The following TNFRSF11A variants were observed in gnomAD, a reference collection of about 807,000 sequenced individuals.
TNFRSF11A encodes the protein tumor necrosis factor receptor superfamily member 11A.
In TNFRSF11A, 32 loss-of-function variants were observed where a neutral mutation model predicts 55.7. The observed-to-expected ratio is 0.57, with a 90% CI of 0.43 to 0.77. The LOEUF (loss-of-function observed/expected upper bound fraction) is 0.77, where lower values mean the gene tolerates loss of function less well. Among genes scored for constraint, TNFRSF11A ranks in the 30% least tolerant of loss-of-function variants. The pLI is 0.00. For missense variants in TNFRSF11A, 753 were observed against 809.8 expected, an observed-to-expected ratio of 0.93 and a Z score of 0.85; for synonymous variants, 311 against 331.0, an observed-to-expected ratio of 0.94 and a Z score of 0.65.
chr18:62,384,898 A>G lies in TNFRSF11A; in HGVS notation c.1715A>G (p.Glu572Gly), dbSNP rs1600433596. Residue 572 changes from glutamate (E) to glycine (G), a missense_variant, in exon 10 of 10, where the codon GAG (glutamate) becomes GGG (glycine). Physicochemically the swap from Glu to Gly is moderately conservative, Grantham distance 98 (BLOSUM62 -2). This residue lies in a region of TNFRSF11A where 567 missense variants were observed against 596.7 expected (regional missense o/e 0.95). Transcript: ENST00000586569. Reference protein sequence around the residue: ...AAEPMGRPVQEETLARRDSFA... With the variant: ...AAEPMGRPVQGETLARRDSFA... ...GAGCCCATGGGCCGCCCGGTGCAGG[A>G]GGAGACCCTGGCGCGCCGAGACTCC... The G allele has an allele frequency of 3.8e-6, 6 of 1,582,862 alleles. No individual in the cohort carries two copies. The highest frequency in any genetic ancestry group is 5.2e-6 in the Non-Finnish European group (6 of 1,164,986).
chr18:62,345,768 A>T (rs962053643), intron 1 of TNFRSF11A, among the ~76,000 whole-genome samples: 2 of 152,238 alleles, frequency 1.3e-5, no homozygotes, highest in African/African-American at 4.8e-5. Context: ...CAAGAGGCAC[A>T]TTCAGGTGAA....
intron 1 of TNFRSF11A, chr18:62,336,254 A>G (rs1036833004): frequency 6.6e-6 from 1 of 152,228 alleles, no homozygotes; most frequent in Admixed American, 6.5e-5. Context: ...TTAGGAATGT[A>G]GTCTCAGGCT....
chr18:62,348,219 C>G lies in TNFRSF11A; in HGVS notation c.127C>G (p.Leu43Val). 6.2e-7 allele frequency: 1 copy of G among 1,614,136 alleles called. No homozygotes were observed. Among genetic ancestry groups the G allele is most frequent in the Non-Finnish European group, 8.5e-7 (1 of 1,180,032 alleles). Residue 43 changes from leucine to valine, a missense_variant, in exon 2 of 10, where the codon CTG (leucine) becomes GTG (valine). Around this residue, in one of 3 missense-constraint regions of TNFRSF11A, gnomAD observed 156 missense variants for 155.1 expected, o/e 1.01. Coordinates refer to ENST00000586569, the MANE Select transcript of TNFRSF11A (RefSeq NM_003839.4). ...TACCAGTGAGAAGCATTATGAGCAT[C>G]TGGGACGGTGCTGTAACAAATGTGA... ...PCTSEKHYEH[L>V]GRCCNKCEPG...
At position 62,390,611 on chromosome 18, in the gene TNFRSF11A, T is replaced by C. The variant is rs1239847534; in HGVS notation, c.*5577T>C. On this transcript the variant is annotated 3_prime_UTR_variant, in exon 10 of 10. Coordinates refer to ENST00000586569, the MANE Select transcript of TNFRSF11A (RefSeq NM_003839.4). ...CAGGGGTAGCCCAGGAAACAAAGGC[T>C]GTATAGACTTTAAGTCGTGAGAAAA... 6.6e-6 allele frequency: 1 copy of C among 152,220 alleles called. No individual in the cohort carries two copies. Among genetic ancestry groups the C allele is most frequent in the Non-Finnish European group, 1.5e-5 (1 of 68,042 alleles). The allele number at this position is 152,220 out of a possible 1,614,324, so 9.4% of individuals were successfully genotyped here.
At chr18:62,376,579 T>G (rs1400387679) in intron 9 of TNFRSF11A, among the ~76,000 whole-genome samples, 2 of 152,126 alleles carry the variant, frequency 1.3e-5, no homozygotes, top group Non-Finnish European at 2.9e-5. Context: ...GAGTGGTACA[T>G]TTGCTGCACT....
At chr18:62,352,379 C>G (rs2145303035) in intron 3 of TNFRSF11A, among the ~76,000 whole-genome samples, 1 of 152,284 alleles carries the variant, frequency 6.6e-6, no homozygotes, top group East Asian at 1.9e-4. Context: ...TTTCTTTTAA[C>G]ACCATAATTT....
At chr18:62,354,621 G>T in intron 4 of TNFRSF11A, 87 bp downstream of exon 4, 1 of 1,580,382 alleles carries the variant, frequency 6.3e-7, no homozygotes, top group Non-Finnish European at 8.6e-7. Flanking sequence ...CAGCAAGAAA[G>T]CTCCAGGGTG....
In TNFRSF11A at chr18:62,325,449, C is replaced by T. The variant is rs1201191790; in HGVS notation, c.75+22C>T. 1.5e-5 allele frequency: 18 copies of T among 1,239,528 alleles called. No individual in the cohort carries two copies. The highest frequency in any genetic ancestry group is 4.4e-5 in the East Asian group (1 of 22,628). 76.8% of individuals were successfully genotyped at this position (1,239,528 alleles called of 1,614,324 possible). On this transcript the variant is annotated intron_variant, in intron 1 of 9. Transcript: ENST00000586569. The surrounding 1 kb of genome is among the most constrained non-coding windows in gnomAD (Gnocchi z 4.7). ...GCAGGTAAGGAGCGCCCGCGCCTGC[C>T]GGGCCGCGCGGCCCGACGCCTCCTC...
At chr18:62,351,002 C>CTTTTTTTTTTTTTT (rs71160826) in intron 3 of TNFRSF11A, among the ~76,000 whole-genome samples, 11 of 122,676 alleles carry the variant, frequency 9.0e-5, no homozygotes, top group Non-Finnish European at 1.5e-4. Context: ...TTTTTTCTTT[C>CTTTTTTTTTTTTTT]TTTTTTTTTT....
Position 62,366,854 on chromosome 18 carries a change from C to G in TNFRSF11A, c.783+94C>G, listed in dbSNP as rs545851591. The stretch of plus-strand genomic sequence containing the variant: ...TCACATATTGAGCACCCCCCCCCAC[C>G]CCCACTTTTTTTGAGACGGAGTCTC... On this transcript the variant is annotated intron_variant, in intron 8 of 9. Transcript: ENST00000586569. 7.9e-5 allele frequency: 104 copies of G among 1,311,324 alleles called. No homozygotes were observed. The African/African-American group carries it at 1.3e-3, about 16-fold the overall frequency. 81.2% of individuals were successfully genotyped at this position (1,311,324 alleles called of 1,614,324 possible).
chr18:62,381,543 A>G (rs1010778371), intron 9 of TNFRSF11A, among the ~76,000 whole-genome samples: 1 of 152,256 alleles, frequency 6.6e-6, no homozygotes, highest in Non-Finnish European at 1.5e-5. Context: ...TCCTCTGTGC[A>G]GTTTTACGTG....
Position 62,385,576 on chromosome 18 carries a change from A to G in TNFRSF11A, c.*542A>G, listed in dbSNP as rs926058316. Reference sequence around the variant, plus strand: ...GGTGCAGCCTCTAACTCCTGGGCTCAAGCAATCCAAGTGATCCTCCCACCT... The same window carrying G: ...GGTGCAGCCTCTAACTCCTGGGCTCGAGCAATCCAAGTGATCCTCCCACCT... On this transcript the variant is annotated 3_prime_UTR_variant, in exon 10 of 10. Transcript: ENST00000586569. 6.6e-6 allele frequency: 1 copy of G among 151,682 alleles called. No homozygotes were observed. The highest frequency in any genetic ancestry group is 1.5e-5 in the Non-Finnish European group (1 of 68,038). The allele number at this position is 151,682 out of a possible 1,614,324, so 9.4% of individuals were successfully genotyped here. A position where few individuals can be genotyped will look rare whatever the true frequency, so the allele number is the denominator to read the frequency against.
At position 62,386,944 on chromosome 18, in the gene TNFRSF11A, G is replaced by A. The variant is rs1433275126; in HGVS notation, c.*1910G>A. On this transcript the variant is annotated 3_prime_UTR_variant, in exon 10 of 10. Transcript: ENST00000586569. ...AATGGAGGAAACCATTATACCTTTT[G>A]ATATGGAATATATTACAGAGTTACA... The A allele has an allele frequency of 6.6e-6, 1 of 152,162 alleles. No homozygotes were observed. The highest frequency in any genetic ancestry group is 1.5e-5 in the Non-Finnish European group (1 of 68,040). 9.4% of individuals were successfully genotyped at this position (152,162 alleles called of 1,614,324 possible). A position where few individuals can be genotyped will look rare whatever the true frequency, so the allele number is the denominator to read the frequency against.
chr18:62,380,158 C>T (rs1486048533), intron 9 of TNFRSF11A, among the ~76,000 whole-genome samples: 1 of 152,220 alleles, frequency 6.6e-6, no homozygotes, highest in Non-Finnish European at 1.5e-5. Flanking sequence ...AGCATAAGAC[C>T]TTGTGCGGCT....
intron 5 of TNFRSF11A, 144 bp downstream of exon 5, chr18:62,358,485 A>C (rs1359198396): frequency 1.3e-6 from 1 of 790,560 alleles, no homozygotes; most frequent in Non-Finnish European, 2.2e-6. Context: ...AAGTCTGTCA[A>C]TTCAGCCTGG....
At position 62,347,191 on chromosome 18, in the gene TNFRSF11A, G is replaced by A. The variant is rs1361953210; in HGVS notation, c.76-977G>A. ...GGGGAAGGTTTGTGACTCTGTATTC[G>A]ACGACACAGCAGGGAACTTGCATGA... On this transcript the variant is annotated intron_variant, in intron 1 of 9. Coordinates refer to ENST00000586569, the MANE Select transcript of TNFRSF11A (RefSeq NM_003839.4). 8.5e-5 allele frequency among the ~76,000 whole-genome samples: 13 copies of A among 152,260 alleles called. No individual in the cohort carries two copies. The East Asian group carries it at 1.9e-3, about 23-fold the overall frequency.
chr18:62,358,158 C>T, intron 4 of TNFRSF11A, 90 bp from the exon 5 acceptor site: 1 of 1,272,260 alleles, frequency 7.9e-7, no homozygotes, highest in Non-Finnish European at 1.1e-6. Flanking sequence ...ACCTCCAGTC[C>T]TCTGGAGTCC....
rs372282611 is a variant in TNFRSF11A at position 62,384,852 on chromosome 18, G to A, written c.1669G>A (p.Glu557Lys). 6 of 1,608,736 alleles carry A rather than the reference G, an allele frequency of 3.7e-6. No individual in the cohort carries two copies. The African/African-American group carries it at 6.7e-5, about 18-fold the overall frequency. Residue 557 changes from glutamate (E) to lysine (K), a missense_variant, in exon 10 of 10, where the codon GAG becomes AAG. Coordinates refer to ENST00000586569, the MANE Select transcript of TNFRSF11A (RefSeq NM_003839.4). The stretch of plus-strand genomic sequence containing the variant: ...GGTCTACGTCAGCCAGACCTCGCAG[G>A]AGGGCGCGGCGGCGGCTGCGGAGCC... ...IVVYVSQTSQ[E>K]GAAAAAEPMG...
At chr18:62,345,242 A>T (rs2046366293) in intron 1 of TNFRSF11A, among the ~76,000 whole-genome samples, 1 of 152,178 alleles carries the variant, frequency 6.6e-6, no homozygotes. Context: ...CACTGGAAGC[A>T]GAGAGCCAGA....
Sources: allele counts gnomAD v4.1 joint callset (sites outside exome capture counted in the v4.1 genomes callset), GRCh38; gene constraint gnomAD v4.1.1; regional missense constraint gnomAD v4.1.1; non-coding constraint Gnocchi (gnomAD v3.1); transcripts MANE v1.5; gene names NCBI Gene and HGNC (gene_info 2026-07-23, HGNC 2026-07-21).